GNG2: variants seen among roughly 807,000 people sequenced by gnomAD.
The protein encoded by GNG2 is guanine nucleotide-binding protein G(I)/G(S)/G(O) subunit gamma-2.
GNG2 carries 5 observed loss-of-function variants against 5.5 expected under a neutral mutation model. That is an observed-to-expected ratio of 0.91 (90% CI 0.48 to 1.92). The LOEUF is 1.92. Among genes scored for constraint, GNG2 ranks in the 30% most tolerant of loss-of-function variants. GNG2 has a pLI of 0.01. For synonymous variants in GNG2, 28 were observed against 32.0 expected (o/e 0.88, Z 0.42); for missense variants, 55 against 88.4 (o/e 0.62, Z 1.52).
At chr14:51,836,139 A>G (rs1881324204) in intron 2 of GNG2, among the ~76,000 whole-genome samples, 1 of 151,690 alleles carries the variant, frequency 6.6e-6, no homozygotes, top group African/African-American at 2.4e-5. Context: ...GGCAGAGGAG[A>G]GATCATGATC....
At chr14:51,907,390 T>G (rs1016862469) in intron 2 of GNG2, among the ~76,000 whole-genome samples, 1 of 152,244 alleles carries the variant, frequency 6.6e-6, no homozygotes, top group Non-Finnish European at 1.5e-5. Flanking sequence ...GCATTGAAAT[T>G]AAGGGTCTTA....
intron 2 of GNG2, among the ~76,000 whole-genome samples, chr14:51,839,069 T>C (rs1400780880): frequency 3.3e-5 from 5 of 152,142 alleles, no homozygotes; most frequent in Non-Finnish European, 4.4e-5. Flanking sequence ...AGCAAAACTA[T>C]ACAGATTGTG....
chr14:51,840,418 C>T (rs1364235123), intron 2 of GNG2, among the ~76,000 whole-genome samples: 1 of 152,210 alleles, frequency 6.6e-6, no homozygotes, highest in Non-Finnish European at 1.5e-5. Context: ...GTCTTCCTCC[C>T]TCTTTATTGG....
At chr14:51,897,262 G>T (rs1054921569) in intron 2 of GNG2, among the ~76,000 whole-genome samples, 1 of 152,190 alleles carries the variant, frequency 6.6e-6, no homozygotes, top group African/African-American at 2.4e-5. Context: ...GGCTGAATAC[G>T]GTAGAGTCAA....
chr14:51,871,784 G>A (rs1293971686), intron 1 of GNG2, among the ~76,000 whole-genome samples: 1 of 152,138 alleles, frequency 6.6e-6, no homozygotes, highest in Non-Finnish European at 1.5e-5. Context: ...CATCCCCTAA[G>A]GAAGCCTATT....
intron 1 of GNG2, 83 bp downstream of exon 1, chr14:51,860,873 G>A (rs1050747248): frequency 1.3e-5 from 2 of 152,160 alleles, no homozygotes; most frequent in Non-Finnish European, 2.9e-5. Flanking sequence ...GATTTCTAAG[G>A]GATGATAGAG....
chr14:51,832,209 G>T (rs1449841664), intron 2 of GNG2, among the ~76,000 whole-genome samples: 1 of 151,884 alleles, frequency 6.6e-6, no homozygotes, highest in East Asian at 1.9e-4. Flanking sequence ...GACCCCAGGA[G>T]TTCAAGGCTG....
At chr14:51,947,903 A>G (rs920716357) in intron 2 of GNG2, among the ~76,000 whole-genome samples, 14 of 152,202 alleles carry the variant, frequency 9.2e-5, no homozygotes, top group Non-Finnish European at 1.0e-4. Flanking sequence ...GGTGGCATCA[A>G]TAAGATAGGC....
rs368430399 is a variant in GNG2 at position 51,872,215 on chromosome 14, A to G, written c.-70-5402A>G. 3.9e-5 allele frequency among the ~76,000 whole-genome samples: 6 copies of G among 152,324 alleles called. No individual in the cohort carries two copies. In the East Asian group the frequency reaches 5.8e-4, roughly 15 times the overall value. On this transcript the variant is annotated intron_variant, in intron 1 of 3. Transcript: ENST00000556766. Reference sequence around the variant, plus strand: ...AGTATAACCTAGCCTATATGGATTGAAACTCTCTGGTTTTCCCTTCAAACT... The same window carrying G: ...AGTATAACCTAGCCTATATGGATTGGAACTCTCTGGTTTTCCCTTCAAACT...
intron 3 of GNG2, among the ~76,000 whole-genome samples, chr14:51,962,882 G>C (rs2140305644): frequency 6.6e-6 from 1 of 152,332 alleles, no homozygotes. Flanking sequence ...CCACAGGTTA[G>C]AAAGGAGGAA....
At chr14:51,914,361 A>G in intron 2 of GNG2, 1 of 694,120 alleles carries the variant, frequency 1.4e-6, no homozygotes, top group Non-Finnish European at 2.6e-6. Flanking sequence ...CAGTAACCAT[A>G]GCTCCTGCTC....
rs140866285 is a variant in GNG2 at position 51,924,901 on chromosome 14, G to A, written c.-29-25749G>A. Among the ~76,000 whole-genome samples the A allele has an allele frequency of 7.8e-4, 119 of 152,304 alleles. 1 individual carries two copies. Among genetic ancestry groups the A allele is most frequent in the African/African-American group, 1.9e-3 (81 of 41,570 alleles). ...AACACACAGCAGTTGTTAAGCTTGC[G>A]CTGTGTACAGGGCACTATTCTAAGC... On this transcript the variant is annotated intron_variant, in intron 2 of 3. Coordinates refer to ENST00000556766, the MANE Select transcript of GNG2 (RefSeq NM_053064.5).
intron 2 of GNG2, among the ~76,000 whole-genome samples, chr14:51,948,465 C>T (rs532568965): frequency 3.3e-5 from 5 of 152,318 alleles, no homozygotes; most frequent in Non-Finnish European, 7.4e-5. Context: ...ACATTCGCTT[C>T]ACAGAACAGC....
chr14:51,960,249 C>A (rs1167057253), intron 3 of GNG2, among the ~76,000 whole-genome samples: 3 of 142,856 alleles, frequency 2.1e-5, no homozygotes, highest in Non-Finnish European at 4.4e-5. Context: ...GTTCACTAAT[C>A]TTTCTTCTAC....
chr14:51,910,018 A>C (rs1474249988), intron 2 of GNG2, among the ~76,000 whole-genome samples: 2 of 152,218 alleles, frequency 1.3e-5, no homozygotes, highest in Non-Finnish European at 2.9e-5. Context: ...CAATGAATAA[A>C]TATTTAGTAC....
chr14:51,909,996 G>T (rs1886198410), intron 2 of GNG2, among the ~76,000 whole-genome samples: 1 of 152,154 alleles, frequency 6.6e-6, no homozygotes, highest in Admixed American at 6.5e-5. Context: ...ATTCATTCAT[G>T]GATTCATTCA....
At chr14:51,829,452 C>T (rs1881121999) in intron 2 of GNG2, among the ~76,000 whole-genome samples, 1 of 152,190 alleles carries the variant, frequency 6.6e-6, no homozygotes, top group Non-Finnish European at 1.5e-5. Flanking sequence ...CCTCATCTTA[C>T]TTGTCTTTCT....
At chr14:51,907,176 C>A (rs896441057) in intron 2 of GNG2, among the ~76,000 whole-genome samples, 1 of 152,206 alleles carries the variant, frequency 6.6e-6, no homozygotes, top group African/African-American at 2.4e-5. Flanking sequence ...TTGGACCGAG[C>A]TAGCAATGAA....
chr14:51,913,978 T>C (rs932182804), intron 2 of GNG2: 32 of 485,130 alleles, frequency 6.6e-5, no homozygotes, highest in Middle Eastern at 4.7e-4. Context: ...TGAAAAACAA[T>C]GGGAAGAATA....
Sources: allele counts gnomAD v4.1 joint callset (sites outside exome capture counted in the v4.1 genomes callset), GRCh38; gene constraint gnomAD v4.1.1; transcripts MANE v1.5; gene names NCBI Gene and HGNC (gene_info 2026-07-23, HGNC 2026-07-21).